The following SPTBN4 variants were observed in gnomAD, a reference collection of about 807,000 sequenced individuals.
SPTBN4 encodes spectrin beta, non-erythrocytic 4.
SPTBN4 carries 96 observed loss-of-function variants against 277.8 expected under a neutral mutation model. The observed-to-expected ratio is 0.35, with a 90% CI of 0.29 to 0.41. The LOEUF (loss-of-function observed/expected upper bound fraction) is 0.41. Ranked by LOEUF, SPTBN4 falls within the 10% of genes least tolerant of loss-of-function variation. SPTBN4 has a pLI of 1.00. For missense variants in SPTBN4, 3,006 were observed against 3,595.7 expected (o/e 0.84, Z 4.19); for synonymous variants, 1,481 against 1,580.3 (o/e 0.94, Z 1.49).
chr19:40,484,344 T>C (rs2080045016), intron 2 of SPTBN4, among the ~76,000 whole-genome samples: 1 of 152,200 alleles, frequency 6.6e-6, no homozygotes, highest in Non-Finnish European at 1.5e-5. Context: ...GAAAACTTAA[T>C]AGGAAACTTA....
rs891079004 is a variant in SPTBN4 at position 40,576,228 on chromosome 19, A to G, written c.*659A>G. Reference sequence around the variant, plus strand: ...TAATGGGAGGGGCGTCAAAGCTCAAAACTGTTTTCCTCTCTCCTCCCCCCT... The same window carrying G: ...TAATGGGAGGGGCGTCAAAGCTCAAGACTGTTTTCCTCTCTCCTCCCCCCT... On this transcript the variant is annotated 3_prime_UTR_variant, in exon 36 of 36. Transcript: ENST00000598249. 6.6e-6 allele frequency: 1 copy of G among 152,448 alleles called. No homozygotes were observed. The highest frequency in any genetic ancestry group is 2.4e-5 in the African/African-American group (1 of 41,428). 9.4% of individuals were successfully genotyped at this position (152,448 alleles called of 1,614,324 possible).
At chr19:40,574,005 G>A (rs907732323) in intron 35 of SPTBN4, among the ~76,000 whole-genome samples, 3 of 152,036 alleles carry the variant, frequency 2.0e-5, no homozygotes, top group African/African-American at 4.8e-5. Flanking sequence ...GGGAGGCTGA[G>A]GCAGAAGAAT....
In SPTBN4 at chr19:40,502,599, T is replaced by C. The variant is rs190722788; in HGVS notation, c.1203+92T>C. The C allele has an allele frequency of 4.9e-4, 705 of 1,435,308 alleles. 5 individuals carry two copies. The East Asian group carries it at 0.014, about 28-fold the overall frequency. The allele number at this position is 1,435,308 out of a possible 1,614,324, so 88.9% of individuals were successfully genotyped here. A position where few individuals can be genotyped will look rare whatever the true frequency, so the allele number is the denominator to read the frequency against. On this transcript the variant is annotated intron_variant, in intron 10 of 35. Transcript: ENST00000598249. The surrounding 1 kb of genome is among the most constrained non-coding windows in gnomAD (Gnocchi z 4.9). ...AAGGGAATCATTCACATTGTAGACA[T>C]GATGGATTAGATATTCATTCTGACA...
rs149310397 is a variant in SPTBN4 at position 40,560,632 on chromosome 19, C to A, written c.5915+229C>A. The A allele has an allele frequency of 2.7e-3, 3,886 of 1,434,328 alleles. 7 individuals carry two copies. The highest frequency in any genetic ancestry group is 3.0e-3 in the Middle Eastern group (15 of 4,984). 88.9% of individuals were successfully genotyped at this position (1,434,328 alleles called of 1,614,324 possible). A position where few individuals can be genotyped will look rare whatever the true frequency, so the allele number is the denominator to read the frequency against. On this transcript the variant is annotated intron_variant, in intron 27 of 35. Coordinates refer to ENST00000598249, the MANE Select transcript of SPTBN4 (RefSeq NM_020971.3). This position sits in a 1 kb window ranked among gnomAD's most constrained non-coding sequence, Gnocchi z 5.2. ...GCATCCTTCTGTCCGCTGTCCTTCC[C>A]AGTTGCCTATTATTACCCTCTCCAT...
At chr19:40,556,979 T>G (rs2080985778) in intron 25 of SPTBN4, 44 bp from the exon 26 acceptor site, 1 of 1,518,772 alleles carries the variant, frequency 6.6e-7, no homozygotes, top group African/African-American at 1.4e-5. Context: ...ATGCTGCCCC[T>G]TTGCTCACTT....
chr19:40,515,304 C>T lies in SPTBN4; in HGVS notation c.2766-7C>T, dbSNP rs2080441224. 6.2e-7 allele frequency: 1 copy of T among 1,612,294 alleles called. No homozygotes were observed. The stretch of plus-strand genomic sequence containing the variant: ...TCGGGTGTCTGAGCATCTCCATCCT[C>T]CTGCAGATTCGAGAGCCTGGACCAA... On this transcript the variant is annotated splice_region_variant and splice_polypyrimidine_tract_variant and intron_variant, in intron 14 of 35. Transcript: ENST00000598249. The surrounding 1 kb of genome is among the most constrained non-coding windows in gnomAD (Gnocchi z 4.1).
Position 40,545,919 on chromosome 19 carries a change from T to C in SPTBN4, c.4360-3270T>C, listed in dbSNP as rs371700096. ...TTAGTCAGGCGTGGTGGTGGGCACC[T>C]GTAGTCCCAGCTACTTGGGAGGCTG... On this transcript the variant is annotated intron_variant, in intron 20 of 35. Transcript: ENST00000598249. Among the ~76,000 whole-genome samples the C allele has an allele frequency of 1.8e-3, 277 of 152,156 alleles. 2 individuals are homozygous for C. The highest frequency in any genetic ancestry group is 6.5e-3 in the African/African-American group (271 of 41,524).
intron 16 of SPTBN4, among the ~76,000 whole-genome samples, chr19:40,520,767 T>C (rs2080517521): frequency 6.6e-6 from 1 of 152,162 alleles, no homozygotes; most frequent in Non-Finnish European, 1.5e-5. Flanking sequence ...GGGAGATCAC[T>C]CTGGGATGGG....
At chr19:40,499,503 C>T (rs1263247531) in intron 7 of SPTBN4, among the ~76,000 whole-genome samples, 1 of 152,062 alleles carries the variant, frequency 6.6e-6, no homozygotes, top group East Asian at 1.9e-4. Context: ...AATCCTCTCA[C>T]CTCAGCCCCC....
chr19:40,534,291 T>G lies in SPTBN4; in HGVS notation c.4307T>G (p.Val1436Gly). 6.2e-7 allele frequency: 1 copy of G among 1,614,064 alleles called. No homozygotes were observed. Among genetic ancestry groups the G allele is most frequent in the Non-Finnish European group, 8.5e-7 (1 of 1,180,040 alleles). The change falls in exon 20 of 36, where the codon GTG becomes GGG. Residue 1436 changes from valine (V) to glycine (G), a missense_variant. Transcript: ENST00000598249. ...LLHMESQLQD[V>G]DPGGDLATVN... The stretch of plus-strand genomic sequence containing the variant: ...CACATGGAGAGCCAGCTGCAAGACG[T>G]GGACCCTGGAGGAGACCTGGCCACT...
chr19:40,511,306 G>A (rs1244575773), intron 13 of SPTBN4, among the ~76,000 whole-genome samples: 2 of 152,050 alleles, frequency 1.3e-5, no homozygotes, highest in Non-Finnish European at 2.9e-5. Flanking sequence ...TACTCTGGAG[G>A]CTGAGGCAGG....
rs57552574 is a variant in SPTBN4, at chr19:40,567,298, AAAATAAAT to A, written c.6337-325_6337-318del. On this transcript the variant is annotated intron_variant, in intron 30 of 35. Transcript: ENST00000598249. ...TGGGCGACAGAGCAAGACTGTCTCAAAAATAAATAAATAAATAAATAAATAAATAAATA... is the reference window on the plus strand; with the variant it reads ...TGGGCGACAGAGCAAGACTGTCTCAAAAATAAATAAATAAATAAATAAATA... 8.1e-3 allele frequency: 1,151 copies of A among 141,846 alleles called. 12 individuals carry two copies. The highest frequency in any genetic ancestry group is 0.053 in the East Asian group (261 of 4,916). 8.8% of individuals were successfully genotyped at this position (141,846 alleles called of 1,614,324 possible).
chr19:40,565,179 C>T (rs929627954), intron 27 of SPTBN4, among the ~76,000 whole-genome samples: 6 of 151,664 alleles, frequency 4.0e-5, no homozygotes, highest in Admixed American at 3.9e-4. Flanking sequence ...GCAGGAGAAT[C>T]GCCTGAACTC....
At chr19:40,547,271 C>G (rs1255069980) in intron 20 of SPTBN4, among the ~76,000 whole-genome samples, 1 of 147,596 alleles carries the variant, frequency 6.8e-6, no homozygotes, top group Non-Finnish European at 1.5e-5. Context: ...TGAGTGAGAA[C>G]GTGTGGTGTT....
intron 29 of SPTBN4, 136 bp from the exon 30 acceptor site, chr19:40,566,027 C>A: frequency 1.1e-6 from 1 of 922,046 alleles, no homozygotes; most frequent in Non-Finnish European, 1.6e-6. Context: ...CAGCCTCTGC[C>A]ATTCCTGCAG....
intron 26 of SPTBN4, among the ~76,000 whole-genome samples, chr19:40,559,370 G>T (rs936305630): frequency 1.3e-5 from 2 of 152,170 alleles, no homozygotes; most frequent in African/African-American, 4.8e-5. Context: ...GCAGCAGGCT[G>T]AGCACAGTGG....
rs1168105162 is a variant in SPTBN4, at chr19:40,526,167, C to CTTTTTT, written c.3857+2546_3857+2551dup. Among the ~76,000 whole-genome samples, 95 of 93,118 alleles carry CTTTTTT rather than the reference C, an allele frequency of 1.0e-3. 1 individual carries two copies. Among genetic ancestry groups the CTTTTTT allele is most frequent in the Non-Finnish European group, 1.5e-3 (73 of 48,866 alleles). The allele number at this position is 93,118 out of a possible 152,430, so 61.1% of individuals were successfully genotyped here. On this transcript the variant is annotated intron_variant, in intron 17 of 35. Transcript: ENST00000598249. Reference sequence around the variant, plus strand: ...TGGAACCTGTGTGTGAGGTGCTGTTCTTTTTTTTTTTTTTTTTTTTTTTGA... The same window carrying CTTTTTT: ...TGGAACCTGTGTGTGAGGTGCTGTTCTTTTTTTTTTTTTTTTTTTTTTTTTTTTTGA...
chr19:40,502,711 A>T lies in SPTBN4; in HGVS notation c.1204-64A>T. 1 of 1,574,168 alleles carries T rather than the reference A, an allele frequency of 6.4e-7. No homozygotes were observed. The highest frequency in any genetic ancestry group is 8.6e-7 in the Non-Finnish European group (1 of 1,160,282). On this transcript the variant is annotated intron_variant, in intron 10 of 35. Coordinates refer to ENST00000598249, the MANE Select transcript of SPTBN4 (RefSeq NM_020971.3). This position sits in a 1 kb window ranked among gnomAD's most constrained non-coding sequence, Gnocchi z 4.9. ...ATAATGCTATGAGTGACCTCAGACTAAGTCAAGACCATTAAACTGTGGGGA... is the reference window on the plus strand; with the variant it reads ...ATAATGCTATGAGTGACCTCAGACTTAGTCAAGACCATTAAACTGTGGGGA...
intron 32 of SPTBN4, among the ~76,000 whole-genome samples, chr19:40,570,113 T>C (rs972820645): frequency 6.7e-6 from 1 of 150,282 alleles, no homozygotes; most frequent in Non-Finnish European, 1.5e-5. Context: ...CTTCATAGCC[T>C]CATACACACA....
Sources: allele counts gnomAD v4.1 joint callset (sites outside exome capture counted in the v4.1 genomes callset), GRCh38; gene constraint gnomAD v4.1.1; non-coding constraint Gnocchi (gnomAD v3.1); transcripts MANE v1.5; gene names NCBI Gene and HGNC (gene_info 2026-07-23, HGNC 2026-07-21).